The following CDH18 variants were observed in gnomAD, a reference collection of about 807,000 sequenced individuals.
The protein encoded by CDH18 is cadherin-18.
Under a neutral mutation model 67.9 loss-of-function variants are expected in CDH18, and 31 were observed. The observed-to-expected ratio is 0.46, with a 90% CI of 0.34 to 0.62. The LOEUF (loss-of-function observed/expected upper bound fraction) is 0.62, where lower values mean the gene tolerates loss of function less well. CDH18 is among the 20% of genes least tolerant of loss of function. The pLI is 0.01. For missense variants in CDH18, 890 were observed against 975.5 expected (o/e 0.91, Z 1.17); for synonymous variants, 362 against 347.2 (o/e 1.04, Z -0.48).
chr5:19,721,148 A>T (rs114450210), intron 5 of CDH18, among the ~76,000 whole-genome samples, 199 bp downstream of exon 5: 2,678 of 152,348 alleles, frequency 0.018, 71 homozygotes, highest in African/African-American at 0.061. Flanking sequence ...GGTTATCAAC[A>T]TAATAGGGAA....
chr5:19,484,590 G>C (rs1740047862), intron 11 of CDH18, among the ~76,000 whole-genome samples: 1 of 152,142 alleles, frequency 6.6e-6, no homozygotes, highest in African/African-American at 2.4e-5. Context: ...CTGCCCCCAG[G>C]TCACACTTCT....
Position 19,549,337 on chromosome 5 carries a change from C to CATG in CDH18, c.1254-5333_1254-5332insCAT, listed in dbSNP as rs1736922312. On this transcript the variant is annotated intron_variant, in intron 8 of 12. Transcript: ENST00000382275. Reference sequence around the variant, plus strand: ...ACCATGTGACATGCTGGCTCCCCTTCACCTTCTGCCATGACTGTAAGTTCT... The same window carrying CATG: ...ACCATGTGACATGCTGGCTCCCCTTCATGACCTTCTGCCATGACTGTAAGTTCT... Among the ~76,000 whole-genome samples the CATG allele has an allele frequency of 3.3e-5, 5 of 152,292 alleles. No individual in the cohort carries two copies. In the South Asian group the frequency reaches 1.0e-3, roughly 32 times the overall value.
chr5:20,504,208 C>A (rs1176525875), intron 1 of CDH18, among the ~76,000 whole-genome samples: 1 of 151,844 alleles, frequency 6.6e-6, no homozygotes, highest in Non-Finnish European at 1.5e-5. Context: ...AGGATTAGGT[C>A]ATCCAGCCAC....
At chr5:20,105,695 C>A (rs1746870297) in intron 2 of CDH18, among the ~76,000 whole-genome samples, 1 of 152,192 alleles carries the variant, frequency 6.6e-6, no homozygotes, top group East Asian at 1.9e-4. Context: ...TGGCTTATTT[C>A]ACTTAGCATA....
At chr5:19,599,587 T>C (rs976384557) in intron 6 of CDH18, among the ~76,000 whole-genome samples, 2 of 152,106 alleles carry the variant, frequency 1.3e-5, no homozygotes, top group East Asian at 1.9e-4. Flanking sequence ...CTGATTTGTG[T>C]AGCAGTAAAG....
chr5:20,547,214 G>A (rs1549655), intron 1 of CDH18, among the ~76,000 whole-genome samples: 67,044 of 151,952 alleles, frequency 0.44, 15,226 homozygotes, highest in East Asian at 0.57. Flanking sequence ...GATATATAAA[G>A]TGACAAGCAA....
chr5:20,512,395 T>C (rs1232306785), intron 1 of CDH18, among the ~76,000 whole-genome samples: 1 of 152,196 alleles, frequency 6.6e-6, no homozygotes, highest in Non-Finnish European at 1.5e-5. Context: ...ATGTTCATGA[T>C]TGAGTTTGAC....
At chr5:20,515,424 A>T (rs576394690) in intron 1 of CDH18, among the ~76,000 whole-genome samples, 8 of 151,998 alleles carry the variant, frequency 5.3e-5, no homozygotes, top group Admixed American at 5.2e-4. Context: ...TACACTCAAC[A>T]CTTTTCTTGG....
At chr5:20,226,334 G>C (rs1466017141) in intron 2 of CDH18, among the ~76,000 whole-genome samples, 1 of 152,046 alleles carries the variant, frequency 6.6e-6, no homozygotes, top group Non-Finnish European at 1.5e-5. Flanking sequence ...AATTATATTT[G>C]ACAATCAGAG....
At chr5:20,399,381 G>C (rs1322128264) in intron 1 of CDH18, among the ~76,000 whole-genome samples, 1 of 152,166 alleles carries the variant, frequency 6.6e-6, no homozygotes, top group Non-Finnish European at 1.5e-5. Flanking sequence ...AGAGGAATAA[G>C]AATGAATTCC....
In CDH18 at chr5:19,522,434, C is replaced by T. The variant is rs565535211; in HGVS notation, c.1391-1656G>A. On this transcript the variant is annotated intron_variant, in intron 9 of 12. Transcript: ENST00000382275. ...GATATTAAGAGCTGTATTACGTCTG[C>T]GGTTAAAGAGACAAAATGTCACAAA... 5.9e-4 allele frequency among the ~76,000 whole-genome samples: 89 copies of T among 152,070 alleles called. 1 individual carries two copies. In the South Asian group the frequency reaches 0.016, roughly 27 times the overall value.
At chr5:19,811,134 G>T (rs1778647703) in intron 3 of CDH18, among the ~76,000 whole-genome samples, 1 of 116,118 alleles carries the variant, frequency 8.6e-6, no homozygotes, top group Non-Finnish European at 1.8e-5. Context: ...AAGAAAGAAA[G>T]AAAGAAAGAA....
At chr5:20,149,479 A>G (rs1429921518) in intron 2 of CDH18, among the ~76,000 whole-genome samples, 2 of 152,146 alleles carry the variant, frequency 1.3e-5, no homozygotes, top group South Asian at 2.1e-4. Flanking sequence ...GAAGGGAGTC[A>G]TGTGATGAAT....
chr5:20,503,344 G>C (rs1305316888), intron 1 of CDH18, among the ~76,000 whole-genome samples: 2 of 151,312 alleles, frequency 1.3e-5, no homozygotes, highest in African/African-American at 2.4e-5. Context: ...ATATAATTAT[G>C]ACATAGTTGG....
intron 2 of CDH18, among the ~76,000 whole-genome samples, chr5:20,145,864 T>C (rs1305619999): frequency 6.6e-6 from 1 of 152,198 alleles, no homozygotes; most frequent in African/African-American, 2.4e-5. Flanking sequence ...ACTACAATTA[T>C]ATCACCCTCA....
intron 2 of CDH18, among the ~76,000 whole-genome samples, chr5:20,037,431 T>C (rs1739975157): frequency 6.6e-6 from 1 of 152,072 alleles, no homozygotes; most frequent in South Asian, 2.1e-4. Context: ...ATCACACTTA[T>C]TCTAAAATTG....
chr5:20,231,296 T>G (rs1475096625), intron 2 of CDH18, among the ~76,000 whole-genome samples: 1 of 152,098 alleles, frequency 6.6e-6, no homozygotes, highest in Non-Finnish European at 1.5e-5. Context: ...ACCAGAAGAT[T>G]TAAGTCACCT....
rs1748143966 is a variant in CDH18 at position 19,606,948 on chromosome 5, A to C, written c.811+5486T>G. Among the ~76,000 whole-genome samples, 8 of 151,794 alleles carry C rather than the reference A, an allele frequency of 5.3e-5. No individual in the cohort carries two copies. In the South Asian group the frequency reaches 1.7e-3, roughly 31 times the overall value. On this transcript the variant is annotated intron_variant, in intron 6 of 12. Transcript: ENST00000382275. ...GAAGAAAGGTCCAATAAACTACAGTAAACTATTGTACAGTAAAGGAATTCT... is the reference window on the plus strand; with the variant it reads ...GAAGAAAGGTCCAATAAACTACAGTCAACTATTGTACAGTAAAGGAATTCT...
At chr5:20,359,951 T>G (rs1741954617) in intron 1 of CDH18, among the ~76,000 whole-genome samples, 1 of 151,306 alleles carries the variant, frequency 6.6e-6, no homozygotes, top group South Asian at 2.1e-4. Context: ...TATAATAATC[T>G]ATTAAAAAAT....
Sources: gnomAD v4.1 joint callset for allele counts (sites outside exome capture counted in the v4.1 genomes callset) on GRCh38, gnomAD v4.1.1 for gene constraint, MANE v1.5 for transcripts, NCBI Gene and HGNC (gene_info 2026-07-23, HGNC 2026-07-21) for gene names.